The following EZH2 variants were observed in gnomAD, a reference collection of about 807,000 sequenced individuals.
EZH2 encodes enhancer of zeste 2 polycomb repressive complex 2 subunit, also known as histone-lysine N-methyltransferase EZH2.
Under a neutral mutation model 98.4 loss-of-function variants are expected in EZH2, and 18 were observed. The observed-to-expected ratio is 0.18, with a 90% CI of 0.13 to 0.27. The LOEUF is 0.27. Among genes scored for constraint, EZH2 ranks in the 10% least tolerant of loss-of-function variants. The pLI is 1.00. For synonymous variants in EZH2, 338 were observed against 312.3 expected (o/e 1.08, Z -0.87); for missense variants, 470 against 935.1 (o/e 0.50, Z 6.49).
At chr7:148,812,940 T>G (rs983914543) in intron 15 of EZH2, among the ~76,000 whole-genome samples, 3 of 152,142 alleles carry the variant, frequency 2.0e-5, no homozygotes, top group African/African-American at 7.2e-5. Flanking sequence ...AGAACTTCAA[T>G]GTTTTGCCTG....
At chr7:148,846,738 C>G in intron 2 of EZH2, 140 bp from the exon 3 acceptor site, 1 of 714,076 alleles carries the variant, frequency 1.4e-6, no homozygotes, top group South Asian at 2.0e-5. Context: ...AGATTTTACA[C>G]TATAGTTTCC....
chr7:148,826,436 T>C lies in EZH2; in HGVS notation c.907+18A>G, dbSNP rs562179233. The C allele has an allele frequency of 1.2e-5, 18 of 1,536,608 alleles. No homozygotes were observed. The South Asian group carries it at 1.3e-4, about 11-fold the overall frequency. ...TTAAAACATAATTCCACAACAAAGATAGAAAATGAAAACGTACAATAATTG... is the reference window on the plus strand; with the variant it reads ...TTAAAACATAATTCCACAACAAAGACAGAAAATGAAAACGTACAATAATTG... On this transcript the variant is annotated intron_variant, in intron 8 of 19. Coordinates refer to ENST00000320356, the MANE Select transcript of EZH2 (RefSeq NM_004456.5).
chr7:148,809,506 C>T, intron 17 of EZH2, 116 bp from the exon 18 acceptor site: 1 of 684,980 alleles, frequency 1.5e-6, no homozygotes, highest in Non-Finnish European at 2.5e-6. Context: ...CCTGCAAAAG[C>T]AAATAAATCA....
At chr7:148,873,667 C>A (rs927859951) in intron 1 of EZH2, among the ~76,000 whole-genome samples, 1 of 141,942 alleles carries the variant, frequency 7.0e-6, no homozygotes, top group Non-Finnish European at 1.5e-5. Context: ...AATATCATAA[C>A]AGCAGCTAAC....
intron 10 of EZH2, 182 bp downstream of exon 10, chr7:148,817,695 C>T (rs901639636): frequency 1.2e-6 from 1 of 840,868 alleles, no homozygotes; most frequent in Non-Finnish European, 1.9e-6. Context: ...GCAAACACCA[C>T]AAGCTAGGGT....
At chr7:148,867,874 T>C (rs1410866909) in intron 1 of EZH2, among the ~76,000 whole-genome samples, 1 of 152,202 alleles carries the variant, frequency 6.6e-6, no homozygotes, top group Admixed American at 6.5e-5. Flanking sequence ...ACCCTAAACA[T>C]CTCAAGTTTA....
At chr7:148,848,317 A>G (rs1449013653) in intron 1 of EZH2, among the ~76,000 whole-genome samples, 1 of 152,216 alleles carries the variant, frequency 6.6e-6, no homozygotes, top group African/African-American at 2.4e-5. Flanking sequence ...AAGGGGTGAC[A>G]GAGGCTTCTA....
intron 8 of EZH2, among the ~76,000 whole-genome samples, chr7:148,822,523 T>C (rs1222955160): frequency 6.9e-6 from 1 of 144,802 alleles, no homozygotes; most frequent in Admixed American, 6.8e-5. Flanking sequence ...AAAAAAAAAG[T>C]TTAAACTTTG....
At chr7:148,848,082 G>T (rs1814638295) in intron 1 of EZH2, among the ~76,000 whole-genome samples, 1 of 152,110 alleles carries the variant, frequency 6.6e-6, no homozygotes, top group South Asian at 2.1e-4. Flanking sequence ...TCTTTTCCTA[G>T]AACATTTTCT....
intron 8 of EZH2, among the ~76,000 whole-genome samples, chr7:148,824,135 T>G (rs1217722667): frequency 7.1e-6 from 1 of 141,784 alleles, no homozygotes; most frequent in African/African-American, 2.5e-5. Context: ...GCCAACATGG[T>G]GAAACCCCAT....
At chr7:148,881,320 C>T (rs1820922467) in intron 1 of EZH2, among the ~76,000 whole-genome samples, 1 of 152,122 alleles carries the variant, frequency 6.6e-6, no homozygotes, top group African/African-American at 2.4e-5. Flanking sequence ...AGGAAGGTAT[C>T]CTGGGAAAAT....
chr7:148,832,233 G>A (rs1215594050), intron 4 of EZH2, among the ~76,000 whole-genome samples: 1 of 151,998 alleles, frequency 6.6e-6, no homozygotes, highest in Non-Finnish European at 1.5e-5. Flanking sequence ...CTACAGACAT[G>A]CGCCACACCC....
At chr7:148,809,435 A>G in intron 17 of EZH2, 45 bp from the exon 18 acceptor site, 1 of 1,464,034 alleles carries the variant, frequency 6.8e-7, no homozygotes, top group South Asian at 1.2e-5. Context: ...AATTTCAGTT[A>G]TAAGTAAACC....
chr7:148,860,960 A>C (rs1817577989), intron 1 of EZH2, among the ~76,000 whole-genome samples: 1 of 152,084 alleles, frequency 6.6e-6, no homozygotes, highest in African/African-American at 2.4e-5. Context: ...GGTGTGAGCC[A>C]CTACACCTGG....
At chr7:148,811,410 C>G (rs1803051727) in intron 16 of EZH2, among the ~76,000 whole-genome samples, 1 of 152,160 alleles carries the variant, frequency 6.6e-6, no homozygotes, top group Non-Finnish European at 1.5e-5. Context: ...CTCGGCCTCC[C>G]AAAGTGCTGG....
At chr7:148,853,426 A>G (rs1195696662) in intron 1 of EZH2, among the ~76,000 whole-genome samples, 1 of 152,126 alleles carries the variant, frequency 6.6e-6, no homozygotes, top group Non-Finnish European at 1.5e-5. Context: ...CCAAAAAAAA[A>G]AGATTCTTTT....
intron 1 of EZH2, among the ~76,000 whole-genome samples, chr7:148,852,338 G>C (rs1476195606): frequency 6.6e-6 from 1 of 152,160 alleles, no homozygotes; most frequent in Non-Finnish European, 1.5e-5. Flanking sequence ...TATCCCACTA[G>C]AGTAGATGCT....
intron 1 of EZH2, among the ~76,000 whole-genome samples, chr7:148,866,877 G>A (rs1818627891): frequency 6.7e-6 from 1 of 149,356 alleles, no homozygotes; most frequent in Non-Finnish European, 1.5e-5. Flanking sequence ...AACGCACCCG[G>A]CTAATTTTTA....
chr7:148,877,939 T>G (rs909748915), intron 1 of EZH2, among the ~76,000 whole-genome samples: 2 of 152,186 alleles, frequency 1.3e-5, no homozygotes, highest in Non-Finnish European at 2.9e-5. Flanking sequence ...AGAACTAAGT[T>G]TGGATCCCGA....
Sources: allele counts gnomAD v4.1 joint callset (sites outside exome capture counted in the v4.1 genomes callset), GRCh38; gene constraint gnomAD v4.1.1; transcripts MANE v1.5; gene names NCBI Gene and HGNC (gene_info 2026-07-23, HGNC 2026-07-21).